The following CTNNA1 variants were observed in gnomAD, a reference collection of about 807,000 sequenced individuals.
CTNNA1 encodes catenin alpha-1.
CTNNA1 carries 37 observed loss-of-function variants against 98.4 expected under a neutral mutation model. The ratio of observed to expected loss-of-function variants is 0.38; its 90% CI spans 0.29 to 0.49. The LOEUF (loss-of-function observed/expected upper bound fraction) is 0.49, where lower values mean the gene tolerates loss of function less well. Ranked by LOEUF, CTNNA1 falls within the 20% of genes least tolerant of loss-of-function variation. The pLI is 0.95. For missense variants in CTNNA1, 761 were observed against 1,147.2 expected (o/e 0.66, Z 4.86); for synonymous variants, 404 against 413.2 (o/e 0.98, Z 0.27).
intron 7 of CTNNA1, among the ~76,000 whole-genome samples, chr5:138,878,118 C>A (rs1752059875): frequency 6.6e-6 from 1 of 152,130 alleles, no homozygotes. Context: ...TCAGTGCAAT[C>A]AAGAGTAATT....
chr5:138,761,660 AT>A (rs1752394483), intron 1 of CTNNA1, among the ~76,000 whole-genome samples: 1 of 152,192 alleles, frequency 6.6e-6, no homozygotes, highest in Non-Finnish European at 1.5e-5. Context: ...TATGGAGATA[AT>A]AAATAAGTAG....
chr5:138,814,937 A>G (rs537973800), intron 5 of CTNNA1, among the ~76,000 whole-genome samples: 1 of 152,216 alleles, frequency 6.6e-6, no homozygotes, highest in African/African-American at 2.4e-5. Context: ...TATTTTTAGT[A>G]GAGACGGGGT....
At chr5:138,840,209 A>T (rs1213396842) in intron 7 of CTNNA1, among the ~76,000 whole-genome samples, 2 of 152,224 alleles carry the variant, frequency 1.3e-5, no homozygotes, top group Non-Finnish European at 2.9e-5. Context: ...GTGAACAGGG[A>T]TCTGGATAGG....
chr5:138,800,733 A>G (rs1223078890), intron 3 of CTNNA1, among the ~76,000 whole-genome samples: 3 of 151,958 alleles, frequency 2.0e-5, no homozygotes, highest in Non-Finnish European at 2.9e-5. Flanking sequence ...AACCTGGGAG[A>G]CGGAGGTTGC....
intron 10 of CTNNA1, among the ~76,000 whole-genome samples, chr5:138,905,307 A>G (rs930536196): frequency 6.6e-6 from 1 of 152,064 alleles, no homozygotes; most frequent in African/African-American, 2.4e-5. Context: ...TGAGGAAGGT[A>G]TGGTGCCTTC....
chr5:138,932,042 C>CTTGCT (rs1353140970), intron 16 of CTNNA1: 2 of 985,514 alleles, frequency 2.0e-6, no homozygotes, highest in East Asian at 2.3e-4. Context: ...TGCTTTTTTT[C>CTTGCT]TTGCTTTACT....
chr5:138,848,386 TCC>T (rs1762911911), intron 7 of CTNNA1, among the ~76,000 whole-genome samples: 1 of 152,214 alleles, frequency 6.6e-6, no homozygotes, highest in African/African-American at 2.4e-5. Context: ...ACACTTTAAG[TCC>T]TCTTTTTTTT....
intron 7 of CTNNA1, among the ~76,000 whole-genome samples, chr5:138,867,897 G>T (rs937378747): frequency 6.6e-6 from 1 of 151,870 alleles, no homozygotes; most frequent in Admixed American, 6.6e-5. Context: ...GATTACAGGC[G>T]CATACCAGGT....
intron 1 of CTNNA1, 113 bp from the exon 2 acceptor site, chr5:138,781,810 C>CTA: frequency 2.2e-6 from 2 of 916,138 alleles, no homozygotes; most frequent in Non-Finnish European, 3.1e-6. Flanking sequence ...ATTTTTTCAT[C>CTA]TATAGTGAAT....
In CTNNA1 at chr5:138,873,390, G is replaced by C. The variant is rs753515291; in HGVS notation, c.1063-12822G>C. The C allele has an allele frequency of 6.2e-7, 1 of 1,614,040 alleles. No individual in the cohort carries two copies. Among genetic ancestry groups the C allele is most frequent in the Non-Finnish European group, 8.5e-7 (1 of 1,179,902 alleles). On this transcript the variant is annotated intron_variant, in intron 7 of 17. Transcript: ENST00000302763. This position sits in a 1 kb window ranked among gnomAD's most constrained non-coding sequence, Gnocchi z 6.1. ...GTTGGGATTTCTTTGTCTCCCACAT[G>C]GTAACTTGATGAGCTTATTCTTTTT...
intron 7 of CTNNA1, among the ~76,000 whole-genome samples, chr5:138,854,194 AT>A (rs1763507709): frequency 6.6e-6 from 1 of 152,146 alleles, no homozygotes; most frequent in African/African-American, 2.4e-5. Flanking sequence ...ATATCTGCGA[AT>A]TATTTATGGA....
At chr5:138,771,303 A>C (rs1465457403) in intron 1 of CTNNA1, among the ~76,000 whole-genome samples, 1 of 151,760 alleles carries the variant, frequency 6.6e-6, no homozygotes, top group Non-Finnish European at 1.5e-5. Context: ...AACTGCTCCC[A>C]TTGCCTTTGG....
At chr5:138,791,817 A>G (rs1274313106) in intron 3 of CTNNA1, among the ~76,000 whole-genome samples, 9 of 141,132 alleles carry the variant, frequency 6.4e-5, no homozygotes, top group South Asian at 2.2e-4. Context: ...TAGAGAGGCA[A>G]TTACTGTTCA....
chr5:138,890,428 C>G (rs1755093627), intron 9 of CTNNA1, among the ~76,000 whole-genome samples: 2 of 152,166 alleles, frequency 1.3e-5, no homozygotes, highest in Admixed American at 1.3e-4. Context: ...AGGTACAAAT[C>G]TGAGGGGTTC....
intron 3 of CTNNA1, among the ~76,000 whole-genome samples, chr5:138,799,896 G>A (rs1327164637): frequency 1.3e-5 from 2 of 150,544 alleles, no homozygotes; most frequent in Admixed American, 6.6e-5. Context: ...ATGTATGTGT[G>A]TGTGTATGTG....
chr5:138,806,351 C>G (rs980979275), intron 3 of CTNNA1, among the ~76,000 whole-genome samples: 2 of 151,494 alleles, frequency 1.3e-5, no homozygotes, highest in African/African-American at 4.9e-5. Flanking sequence ...TCTCGAGGGT[C>G]CTAACTTTTT....
intron 1 of CTNNA1, among the ~76,000 whole-genome samples, chr5:138,777,834 A>G (rs1452219977): frequency 6.9e-6 from 1 of 144,678 alleles, no homozygotes; most frequent in African/African-American, 2.6e-5. Flanking sequence ...GCTCGGCATC[A>G]GTGGGAGACC....
chr5:138,894,646 T>TCTG (rs1756346715), intron 9 of CTNNA1, among the ~76,000 whole-genome samples: 1 of 127,452 alleles, frequency 7.8e-6, no homozygotes, highest in African/African-American at 3.4e-5. Flanking sequence ...GCCTCCTGAT[T>TCTG]ATGATTATGA....
chr5:138,791,970 T>A (rs932103726), intron 3 of CTNNA1, among the ~76,000 whole-genome samples: 1 of 152,098 alleles, frequency 6.6e-6, no homozygotes, highest in Non-Finnish European at 1.5e-5. Flanking sequence ...TTTTTTTAAA[T>A]CTTTAAAGCA....
Sources: allele counts gnomAD v4.1 joint callset (sites outside exome capture counted in the v4.1 genomes callset), GRCh38; gene constraint gnomAD v4.1.1; non-coding constraint Gnocchi (gnomAD v3.1); transcripts MANE v1.5; gene names NCBI Gene and HGNC (gene_info 2026-07-23, HGNC 2026-07-21).